Variants in ZNF117 observed in about 807,000 individuals in gnomAD.
ZNF117 encodes the protein zinc finger protein 117.
Under a neutral mutation model 41.2 loss-of-function variants are expected in ZNF117, and 37 were observed. That is an observed-to-expected ratio of 0.90 (90% CI 0.69 to 1.18). The LOEUF is 1.18. Among genes scored for constraint, ZNF117 ranks in the 50% most tolerant of loss-of-function variants. The pLI, the probability that ZNF117 is intolerant of heterozygous loss-of-function variation, is 0.00. For missense variants in ZNF117, 546 were observed against 557.5 expected, an observed-to-expected ratio of 0.98 and a Z score of 0.21; for synonymous variants, 186 against 186.6, an observed-to-expected ratio of 1.00 and a Z score of 0.02.
intron 2 of ZNF117, chr7:64,980,156 TCAGACA>T (rs1353788288): frequency 1.2e-4 from 19 of 152,350 alleles, no homozygotes; most frequent in Admixed American, 1.2e-3. Context: ...CTAGAACATT[TCAGACA>T]AGACACATCC....
exon 1 of ZNF117, chr7:64,990,389 A>G (rs1049620935): frequency 1.1e-5 from 2 of 183,686 alleles, no homozygotes; most frequent in African/African-American, 4.8e-5. Context: ...TTAGGTGGCC[A>G]CTGGCCCAGC....
intron 2 of ZNF117, chr7:64,981,138 A>G: frequency 6.3e-6 from 3 of 473,458 alleles, no homozygotes; most frequent in Non-Finnish European, 1.1e-5. Context: ...AGTCTTTTAT[A>G]TCCCATGAAG....
chr7:64,984,380 C>T (rs1786092263), upstream of ZNF117, among the ~76,000 whole-genome samples: 1 of 152,170 alleles, frequency 6.6e-6, no homozygotes. Context: ...GACCCGCCTG[C>T]CTGGACCTCC....
exon 3 of ZNF117, chr7:64,977,485 G>T: frequency 2.0e-6 from 1 of 494,214 alleles, no homozygotes. Flanking sequence ...CATTTGTAAG[G>T]TTTCTCTCCA....
exon 1 of ZNF117, chr7:64,991,018 T>G (rs748276722): frequency 8.5e-6 from 4 of 470,740 alleles, no homozygotes; most frequent in Non-Finnish European, 1.1e-5. Context: ...GGGTTAATAC[T>G]TAGTTAGGGC....
chr7:64,973,905 C>G (rs1471725825), downstream of ZNF117: 3 of 151,924 alleles, frequency 2.0e-5, no homozygotes. Context: ...CCATCTCTGA[C>G]TTGAAGTTAC....
rs367835243 is a variant in ZNF117 at position 64,979,543 on chromosome 7, G to A, written c.35-7C>T. 2.4e-5 allele frequency: 35 copies of A among 1,454,710 alleles called. No individual in the cohort carries two copies. Among genetic ancestry groups the A allele is most frequent in the Non-Finnish European group, 3.0e-5 (33 of 1,100,122 alleles). The allele number at this position is 1,454,710 out of a possible 1,614,324, so 90.1% of individuals were successfully genotyped here. ...GCAAAATAATAAAACATAACTGAAA[G>A]AAATAAAAGTAACAAACTACTTCAC... On this transcript the variant is annotated splice_polypyrimidine_tract_variant and splice_region_variant and intron_variant, in intron 2 of 2. Coordinates refer to ENST00000620222, the Ensembl canonical transcript of ZNF117.
chr7:64,989,717 T>C (rs937038469), intron 1 of ZNF117, among the ~76,000 whole-genome samples: 2 of 151,332 alleles, frequency 1.3e-5, no homozygotes, highest in Admixed American at 1.3e-4. Context: ...ACTATGCTTC[T>C]GACAAAGGTC....
downstream of ZNF117, chr7:64,973,689 G>T (rs1785819387): frequency 6.6e-6 from 1 of 151,990 alleles, no homozygotes; most frequent in East Asian, 1.9e-4. Flanking sequence ...AGTGAGCAAA[G>T]TGTAGCCATC....
chr7:64,986,405 AT>A (rs1228408277), upstream of ZNF117, among the ~76,000 whole-genome samples: 1 of 151,938 alleles, frequency 6.6e-6, no homozygotes, highest in African/African-American at 2.4e-5. Context: ...GTGAATCTGC[AT>A]TTTTTTTAAC....
intron 1 of ZNF117, among the ~76,000 whole-genome samples, chr7:64,987,139 G>C (rs1786153446): frequency 6.6e-6 from 1 of 151,894 alleles, no homozygotes; most frequent in Non-Finnish European, 1.5e-5. Context: ...TCAAAACAAA[G>C]AAAACCACTT....
chr7:64,972,284 A>T (rs544469091), downstream of ZNF117: 1 of 70,928 alleles, frequency 1.4e-5, no homozygotes, highest in Admixed American at 1.9e-4. Context: ...ATTAAACCAC[A>T]ATACAGCAAT....
chr7:64,977,705 G>T, exon 3 of ZNF117: 1 of 818,394 alleles, frequency 1.2e-6, no homozygotes. Flanking sequence ...CGTATAGGTT[G>T]AAAGCTTTGC....
At chr7:64,984,340 C>G (rs1786091510), upstream of ZNF117, among the ~76,000 whole-genome samples, 1 of 152,160 alleles carries the variant, frequency 6.6e-6, no homozygotes, top group South Asian at 2.1e-4. Flanking sequence ...CCATGTTGGC[C>G]AGGTTGGTCT....
exon 3 of ZNF117, chr7:64,976,366 T>G (rs1242954925): frequency 6.5e-6 from 1 of 152,928 alleles, no homozygotes; most frequent in Non-Finnish European, 1.4e-5. Context: ...TGCTTGAACC[T>G]GGGAGGCAGA....
At position 64,979,105 on chromosome 7, in the gene ZNF117, T is replaced by C. The variant is rs537700192; in HGVS notation, c.466A>G (p.Lys156Glu). 15 of 1,612,892 alleles carry C rather than the reference T, an allele frequency of 9.3e-6. No homozygotes were observed. The highest frequency in any genetic ancestry group is 1.3e-5 in the Non-Finnish European group (15 of 1,179,472). ...GGTTTTTCTCCAGTATGAATTCTCT[T>C]ATGTTTATTAAGGGTTGAGGACCAG... Residue 156 changes from lysine to glutamate, a missense_variant, in exon 3 of 3, where the codon AAG becomes GAG. Transcript: ENST00000620222.
upstream of ZNF117, among the ~76,000 whole-genome samples, chr7:64,983,204 G>T (rs1786067121): frequency 6.6e-6 from 1 of 152,092 alleles, no homozygotes; most frequent in Non-Finnish European, 1.5e-5. Flanking sequence ...GAACAGAGAT[G>T]GTACCTCAAC....
chr7:64,974,893 G>A (rs1482373650), exon 3 of ZNF117: 1 of 151,866 alleles, frequency 6.6e-6, no homozygotes, highest in Non-Finnish European at 1.5e-5. Context: ...CATTTGCCCT[G>A]ATGTGATTAA....
At chr7:64,983,064 A>T (rs1460925849), upstream of ZNF117, among the ~76,000 whole-genome samples, 1 of 152,252 alleles carries the variant, frequency 6.6e-6, no homozygotes, top group Non-Finnish European at 1.5e-5. Flanking sequence ...GATTTTAAGT[A>T]GTTTTTCTTC....
Sources: allele counts gnomAD v4.1 joint callset (sites outside exome capture counted in the v4.1 genomes callset), GRCh38; gene constraint gnomAD v4.1.1; transcripts MANE v1.5; gene names NCBI Gene and HGNC (gene_info 2026-07-23, HGNC 2026-07-21).